Variants in GALNT17 observed in about 807,000 individuals in gnomAD.
GALNT17 encodes the protein polypeptide N-acetylgalactosaminyltransferase 17, also known as UDP-GalNAc:polypeptide N-acetylgalactosaminyltransferase-like 3.
GALNT17 carries 29 observed loss-of-function variants against 63.7 expected under a neutral mutation model. The observed-to-expected ratio is 0.46, with a 90% CI of 0.34 to 0.62. The LOEUF is 0.62. Among genes scored for constraint, GALNT17 ranks in the 20% least tolerant of loss-of-function variants. GALNT17 has a pLI of 0.01. For synonymous variants in GALNT17, 305 were observed against 318.3 expected, an observed-to-expected ratio of 0.96 and a Z score of 0.45; for missense variants, 603 against 799.6, an observed-to-expected ratio of 0.75 and a Z score of 2.97.
intron 6 of GALNT17, among the ~76,000 whole-genome samples, chr7:71,606,433 G>A (rs1320948411): frequency 6.6e-6 from 1 of 152,142 alleles, no homozygotes; most frequent in Admixed American, 6.5e-5. Context: ...ACACCTTTTT[G>A]TGAAACTGTC....
chr7:71,354,286 G>A (rs1792242775), intron 2 of GALNT17, among the ~76,000 whole-genome samples: 1 of 152,160 alleles, frequency 6.6e-6, no homozygotes, highest in Non-Finnish European at 1.5e-5. Flanking sequence ...GAGATAGTGG[G>A]AACCCTTGCC....
At chr7:71,560,379 A>C (rs1467677121) in intron 5 of GALNT17, among the ~76,000 whole-genome samples, 1 of 151,914 alleles carries the variant, frequency 6.6e-6, no homozygotes, top group Non-Finnish European at 1.5e-5. Flanking sequence ...AACAGGATCC[A>C]TTTGCTTGGG....
chr7:71,372,385 G>A (rs1011458327), intron 2 of GALNT17, among the ~76,000 whole-genome samples: 19 of 151,968 alleles, frequency 1.3e-4, no homozygotes, highest in Non-Finnish European at 5.9e-5. Flanking sequence ...GGCTGGTCTC[G>A]AACTCCTGAC....
At chr7:71,430,715 C>T (rs1469660163) in intron 5 of GALNT17, among the ~76,000 whole-genome samples, 1 of 152,054 alleles carries the variant, frequency 6.6e-6, no homozygotes, top group East Asian at 1.9e-4. Context: ...GAAAGGGATG[C>T]CTTGGATATA....
intron 1 of GALNT17, among the ~76,000 whole-genome samples, chr7:71,139,554 G>A (rs1787848315): frequency 1.3e-5 from 2 of 152,142 alleles, no homozygotes; most frequent in Admixed American, 1.3e-4. Context: ...TGAAGTTGGA[G>A]TCTGAGTGAT....
At chr7:71,158,679 C>T (rs1788282808) in intron 1 of GALNT17, among the ~76,000 whole-genome samples, 1 of 151,748 alleles carries the variant, frequency 6.6e-6, no homozygotes, top group African/African-American at 2.4e-5. Flanking sequence ...CGGGTTCACA[C>T]CATTCTCCTA....
chr7:71,164,821 T>C (rs1436825529), intron 1 of GALNT17, among the ~76,000 whole-genome samples: 1 of 152,220 alleles, frequency 6.6e-6, no homozygotes, highest in African/African-American at 2.4e-5. Flanking sequence ...CCCGTCTTAT[T>C]TCCAGCCAGT....
intron 1 of GALNT17, among the ~76,000 whole-genome samples, chr7:71,270,747 G>C (rs1291103369): frequency 6.6e-6 from 1 of 151,936 alleles, no homozygotes; most frequent in Non-Finnish European, 1.5e-5. Flanking sequence ...AAAAAAAATA[G>C]TTGAAGAGTA....
chr7:71,519,330 TTCTA>T (rs1788490466), intron 5 of GALNT17, among the ~76,000 whole-genome samples: 1 of 152,180 alleles, frequency 6.6e-6, no homozygotes, highest in Admixed American at 6.5e-5. Context: ...GAACACTTAT[TTCTA>T]TCTAACTGTA....
intron 1 of GALNT17, among the ~76,000 whole-genome samples, chr7:71,333,378 A>C (rs528122145): frequency 3.9e-5 from 6 of 152,216 alleles, no homozygotes; most frequent in African/African-American, 1.4e-4. Flanking sequence ...GAGATACTAT[A>C]TTTTGTTTCT....
chr7:71,459,275 A>T (rs1787410878), intron 5 of GALNT17, among the ~76,000 whole-genome samples: 1 of 152,228 alleles, frequency 6.6e-6, no homozygotes, highest in Non-Finnish European at 1.5e-5. Context: ...CAGAAAAAAA[A>T]AGTGACAGAC....
At chr7:71,336,287 T>A (rs1791905537) in intron 2 of GALNT17, among the ~76,000 whole-genome samples, 1 of 152,132 alleles carries the variant, frequency 6.6e-6, no homozygotes, top group Non-Finnish European at 1.5e-5. Context: ...TCAGGTGATC[T>A]GCCCGCCTTG....
chr7:71,599,724 C>A (rs906816381), intron 6 of GALNT17, among the ~76,000 whole-genome samples: 1 of 151,958 alleles, frequency 6.6e-6, no homozygotes, highest in East Asian at 2.0e-4. Context: ...GATACCCCCC[C>A]CACCCCACCT....
intron 1 of GALNT17, among the ~76,000 whole-genome samples, chr7:71,263,751 G>A (rs890222990): frequency 4.6e-5 from 7 of 151,900 alleles, no homozygotes; most frequent in Admixed American, 2.0e-4. Context: ...GTGAAACCCC[G>A]TCTCTACTAA....
At chr7:71,470,534 A>G (rs1332617103) in intron 5 of GALNT17, among the ~76,000 whole-genome samples, 1 of 152,088 alleles carries the variant, frequency 6.6e-6, no homozygotes, top group Non-Finnish European at 1.5e-5. Context: ...ACTCTTTGTA[A>G]ACTGCTCACT....
chr7:71,453,027 G>A (rs1787292159), intron 5 of GALNT17, among the ~76,000 whole-genome samples: 1 of 152,110 alleles, frequency 6.6e-6, no homozygotes, highest in South Asian at 2.1e-4. Flanking sequence ...TCTCTCTGGT[G>A]GTTTAGTAAG....
At chr7:71,496,593 T>A (rs1035959746) in intron 5 of GALNT17, among the ~76,000 whole-genome samples, 1 of 150,906 alleles carries the variant, frequency 6.6e-6, no homozygotes, top group Non-Finnish European at 1.5e-5. Context: ...CTGAAAGGAG[T>A]GGAGGAGAGA....
intron 5 of GALNT17, among the ~76,000 whole-genome samples, chr7:71,506,867 AT>A (rs1482703638): frequency 2.0e-5 from 3 of 152,250 alleles, no homozygotes; most frequent in Admixed American, 6.5e-5. Context: ...AGTAATTGCC[AT>A]TGAAAGTAAT....
chr7:71,648,649 C>A (rs1472882708), intron 6 of GALNT17, among the ~76,000 whole-genome samples: 1 of 152,016 alleles, frequency 6.6e-6, no homozygotes, highest in Non-Finnish European at 1.5e-5. Context: ...GTTGCCCAGG[C>A]CGGTCTTGAA....
Sources: gnomAD v4.1 joint callset for allele counts (sites outside exome capture counted in the v4.1 genomes callset) on GRCh38, gnomAD v4.1.1 for gene constraint, MANE v1.5 for transcripts, NCBI Gene and HGNC (gene_info 2026-07-23, HGNC 2026-07-21) for gene names.